Variants in GRM8 observed in about 807,000 individuals in gnomAD.
The protein encoded by GRM8 is metabotropic glutamate receptor 8.
Under a neutral mutation model 87.2 loss-of-function variants are expected in GRM8, and 47 were observed. That is an observed-to-expected ratio of 0.54 (90% CI 0.43 to 0.69). The LOEUF is 0.69. Ranked by LOEUF, GRM8 falls within the 30% of genes least tolerant of loss-of-function variation. The pLI, the probability that GRM8 is intolerant of heterozygous loss-of-function variation, is 0.00. For missense variants in GRM8, 1,019 were observed against 1,139.2 expected, an observed-to-expected ratio of 0.89 and a Z score of 1.52; for synonymous variants, 396 against 404.5, an observed-to-expected ratio of 0.98 and a Z score of 0.25.
At chr7:126,546,198 G>A (rs1817138241) in intron 8 of GRM8, among the ~76,000 whole-genome samples, 2 of 152,158 alleles carry the variant, frequency 1.3e-5, no homozygotes, top group Admixed American at 6.5e-5. Flanking sequence ...AACATTTAGT[G>A]CTTATAACAA....
chr7:127,128,390 C>A (rs192806342), intron 2 of GRM8, among the ~76,000 whole-genome samples: 2 of 152,098 alleles, frequency 1.3e-5, no homozygotes. Flanking sequence ...GGTTAAGTCT[C>A]ATGCCAAGAC....
At chr7:126,705,787 T>C (rs571261046) in intron 7 of GRM8, among the ~76,000 whole-genome samples, 15 of 152,290 alleles carry the variant, frequency 9.8e-5, no homozygotes, top group Non-Finnish European at 1.8e-4. Context: ...AATCTTTAAG[T>C]TGAAATGATT....
chr7:126,545,221 A>T (rs2150908338), intron 8 of GRM8, among the ~76,000 whole-genome samples: 1 of 152,294 alleles, frequency 6.6e-6, no homozygotes, highest in Non-Finnish European at 1.5e-5. Context: ...AGGAAGTCAG[A>T]CCTGTAATAT....
chr7:126,769,817 C>T (rs1414189426), intron 7 of GRM8, 48 bp downstream of exon 7: 3 of 1,256,026 alleles, frequency 2.4e-6, no homozygotes, highest in African/African-American at 2.9e-5. Flanking sequence ...AGGAAAAACA[C>T]ACCCTGTCGC....
chr7:127,008,046 G>A (rs185554128), intron 3 of GRM8, among the ~76,000 whole-genome samples: 4 of 151,944 alleles, frequency 2.6e-5, no homozygotes, highest in Admixed American at 6.6e-5. Flanking sequence ...GCTTTCATAC[G>A]AAAGTGTAAA....
intron 6 of GRM8, among the ~76,000 whole-genome samples, chr7:126,876,902 T>C (rs1472686293): frequency 6.6e-6 from 1 of 151,564 alleles, no homozygotes; most frequent in Non-Finnish European, 1.5e-5. Flanking sequence ...TACTGTGTAA[T>C]GCTTTATCCT....
chr7:127,201,884 G>A (rs1262799014), intron 2 of GRM8, among the ~76,000 whole-genome samples: 1 of 152,176 alleles, frequency 6.6e-6, no homozygotes, highest in East Asian at 1.9e-4. Context: ...TGTTCCAAAT[G>A]TGGGCTTGAA....
chr7:127,204,603 T>C (rs1234304942), intron 2 of GRM8, among the ~76,000 whole-genome samples: 1 of 152,214 alleles, frequency 6.6e-6, no homozygotes, highest in Non-Finnish European at 1.5e-5. Context: ...TAATATATTA[T>C]TCAGTTCTAT....
intron 6 of GRM8, among the ~76,000 whole-genome samples, chr7:126,898,131 T>G (rs1268425196): frequency 3.3e-5 from 5 of 152,208 alleles, no homozygotes; most frequent in Non-Finnish European, 5.9e-5. Context: ...AAAAAGGGCC[T>G]CATGGATATC....
chr7:126,532,790 T>TATATATAC (rs1815051122), intron 9 of GRM8, among the ~76,000 whole-genome samples, 162 bp downstream of exon 9: 1 of 48,502 alleles, frequency 2.1e-5, no homozygotes, highest in Non-Finnish European at 4.8e-5. Context: ...TATATATATA[T>TATATATAC]ATATATATAT....
intron 7 of GRM8, among the ~76,000 whole-genome samples, chr7:126,624,424 G>A (rs1447220033): frequency 6.6e-6 from 1 of 152,126 alleles, no homozygotes; most frequent in Non-Finnish European, 1.5e-5. Context: ...AAAATATCAA[G>A]AGAGGCTTGT....
At chr7:126,463,903 G>A (rs1396345167) in intron 9 of GRM8, among the ~76,000 whole-genome samples, 2 of 151,416 alleles carry the variant, frequency 1.3e-5, no homozygotes, top group Non-Finnish European at 3.0e-5. Context: ...CTACAAATTT[G>A]TCTTCATTTA....
chr7:126,951,371 T>C (rs944691084), intron 3 of GRM8, among the ~76,000 whole-genome samples: 9 of 152,186 alleles, frequency 5.9e-5, no homozygotes, highest in African/African-American at 2.2e-4. Context: ...GGGTGCATCA[T>C]TTTGTAAAGC....
chr7:126,726,472 T>C (rs1812990108), intron 7 of GRM8, among the ~76,000 whole-genome samples: 1 of 152,124 alleles, frequency 6.6e-6, no homozygotes, highest in Non-Finnish European at 1.5e-5. Flanking sequence ...TGGCCACTGC[T>C]TTGGGATAAA....
intron 3 of GRM8, among the ~76,000 whole-genome samples, chr7:127,046,387 T>C (rs572426632): frequency 1.4e-5 from 2 of 148,144 alleles, no homozygotes; most frequent in Non-Finnish European, 3.0e-5. Flanking sequence ...AAATAAAAAA[T>C]AAAAAAAAAA....
chr7:126,957,078 A>G (rs4728057), intron 3 of GRM8, among the ~76,000 whole-genome samples: 50,393 of 152,008 alleles, frequency 0.33, 8,345 homozygotes, highest in Non-Finnish European at 0.35. Context: ...TCTGGAGCCT[A>G]ATAAAGTTAG....
At chr7:126,450,231 G>T (rs929067885) in intron 9 of GRM8, among the ~76,000 whole-genome samples, 4 of 151,774 alleles carry the variant, frequency 2.6e-5, no homozygotes, top group Admixed American at 6.6e-5. Flanking sequence ...TCAACCAGCT[G>T]CCAGTGCACA....
chr7:127,018,397 T>C (rs1815906887), intron 3 of GRM8, among the ~76,000 whole-genome samples: 1 of 147,992 alleles, frequency 6.8e-6, no homozygotes, highest in African/African-American at 2.5e-5. Context: ...AAGAGCCCCC[T>C]GAAAATCTTA....
chr7:127,032,610 T>A (rs1817484844), intron 3 of GRM8, among the ~76,000 whole-genome samples: 1 of 152,134 alleles, frequency 6.6e-6, no homozygotes, highest in African/African-American at 2.4e-5. Flanking sequence ...TCAATAGCAA[T>A]CTTAATTCCC....
Sources: gnomAD v4.1 joint callset for allele counts (sites outside exome capture counted in the v4.1 genomes callset) on GRCh38, gnomAD v4.1.1 for gene constraint, MANE v1.5 for transcripts, NCBI Gene and HGNC (gene_info 2026-07-23, HGNC 2026-07-21) for gene names.